The following CCSER2 variants were observed in gnomAD, a reference collection of about 807,000 sequenced individuals.
CCSER2 encodes the protein serine-rich coiled-coil domain-containing protein 2.
Under a neutral mutation model 92.3 loss-of-function variants are expected in CCSER2, and 46 were observed. The ratio of observed to expected loss-of-function variants is 0.50; its 90% confidence interval spans 0.39 to 0.64. The LOEUF (loss-of-function observed/expected upper bound fraction) is 0.64. CCSER2 is among the 30% of genes least tolerant of loss of function. The pLI is 0.00. For missense variants in CCSER2, 1,244 were observed against 1,238.9 expected (o/e 1.00, Z -0.06); for synonymous variants, 433 against 431.4 (o/e 1.00, Z -0.04).
At chr10:84,337,901 A>G (rs557072230) in intron 1 of CCSER2, among the ~76,000 whole-genome samples, 2 of 152,182 alleles carry the variant, frequency 1.3e-5, no homozygotes, top group African/African-American at 4.8e-5. Context: ...GTAGGGGAAT[A>G]GTTGGTTATG....
intron 3 of CCSER2, chr10:84,389,381 T>C: frequency 1.9e-6 from 1 of 514,458 alleles, no homozygotes; most frequent in South Asian, 1.4e-5. Flanking sequence ...ATTTTCCTGT[T>C]TCTTTCTGTC....
chr10:84,477,490 A>T, intron 8 of CCSER2, 85 bp from the exon 9 acceptor site: 4 of 630,014 alleles, frequency 6.3e-6, no homozygotes, highest in Non-Finnish European at 8.3e-6. Flanking sequence ...TAGGTGTTTT[A>T]TGTGTTTTCC....
At chr10:84,385,508 A>G (rs1423653494) in intron 3 of CCSER2, among the ~76,000 whole-genome samples, 2 of 152,236 alleles carry the variant, frequency 1.3e-5, no homozygotes, top group African/African-American at 4.8e-5. Context: ...CTACGGGGAA[A>G]GGACACCCTA....
chr10:84,508,326 C>G (rs1461038451), intron 9 of CCSER2, among the ~76,000 whole-genome samples: 1 of 152,158 alleles, frequency 6.6e-6, no homozygotes, highest in Admixed American at 6.5e-5. Context: ...CAGAGTATGA[C>G]ATTTCTCAGG....
chr10:84,393,475 T>C (rs1841645127), intron 3 of CCSER2, among the ~76,000 whole-genome samples: 1 of 152,188 alleles, frequency 6.6e-6, no homozygotes, highest in Non-Finnish European at 1.5e-5. Flanking sequence ...TTTCTTTTTT[T>C]TTGTTCAAAG....
At chr10:84,431,241 A>G (rs1326769796) in intron 5 of CCSER2, among the ~76,000 whole-genome samples, 1 of 152,132 alleles carries the variant, frequency 6.6e-6, no homozygotes, top group African/African-American at 2.4e-5. Context: ...CTACCCTTCA[A>G]ATTCTGTGTG....
chr10:84,367,681 G>GT (rs1255187784), intron 1 of CCSER2, among the ~76,000 whole-genome samples: 4 of 144,948 alleles, frequency 2.8e-5, no homozygotes, highest in Non-Finnish European at 4.6e-5. Context: ...CTTGCCATTT[G>GT]TTTAAGTCTT....
chr10:84,413,961 A>G (rs1842774224), intron 3 of CCSER2, among the ~76,000 whole-genome samples: 1 of 152,156 alleles, frequency 6.6e-6, no homozygotes, highest in Non-Finnish European at 1.5e-5. Flanking sequence ...AGAAACCAGG[A>G]TTGCAACCTC....
At chr10:84,435,923 G>A (rs1844088946) in intron 5 of CCSER2, among the ~76,000 whole-genome samples, 1 of 152,076 alleles carries the variant, frequency 6.6e-6, no homozygotes, top group South Asian at 2.1e-4. Flanking sequence ...TAGATCAAGT[G>A]TGCACAGTGG....
At chr10:84,422,123 T>A (rs1030835225) in intron 4 of CCSER2, among the ~76,000 whole-genome samples, 1 of 152,162 alleles carries the variant, frequency 6.6e-6, no homozygotes, top group African/African-American at 2.4e-5. Context: ...GGAATTCTGG[T>A]TTCTGTAACT....
intron 4 of CCSER2, among the ~76,000 whole-genome samples, chr10:84,423,217 G>A (rs1188544725): frequency 1.3e-5 from 2 of 152,114 alleles, no homozygotes; most frequent in East Asian, 3.9e-4. Context: ...CTTCTTAACA[G>A]CGTTTAAAAA....
intron 9 of CCSER2, among the ~76,000 whole-genome samples, chr10:84,489,574 T>C (rs1328470756): frequency 6.6e-6 from 1 of 152,220 alleles, no homozygotes; most frequent in Non-Finnish European, 1.5e-5. Flanking sequence ...TAACTTTTTT[T>C]TGTTTTCCAT....
intron 3 of CCSER2, among the ~76,000 whole-genome samples, chr10:84,392,220 C>T (rs1228391452): frequency 6.8e-6 from 1 of 146,204 alleles, no homozygotes; most frequent in Non-Finnish European, 1.5e-5. Flanking sequence ...GTTGCTGTCA[C>T]TGTATTAGGT....
chr10:84,338,164 A>G (rs910122327), intron 1 of CCSER2, among the ~76,000 whole-genome samples: 1 of 152,114 alleles, frequency 6.6e-6, no homozygotes, highest in African/African-American at 2.4e-5. Flanking sequence ...CTGTAATCCC[A>G]GCTACTTGGG....
intron 3 of CCSER2, among the ~76,000 whole-genome samples, chr10:84,377,784 C>T (rs532227944): frequency 1.6e-4 from 24 of 152,200 alleles, no homozygotes; most frequent in African/African-American, 5.1e-4. Flanking sequence ...AGAAATACTT[C>T]TTGCTAATGT....
intron 6 of CCSER2, among the ~76,000 whole-genome samples, chr10:84,445,258 A>G (rs1326713858): frequency 6.6e-6 from 1 of 151,804 alleles, no homozygotes; most frequent in Non-Finnish European, 1.5e-5. Context: ...GGCTCACACC[A>G]TTCTTCTGCC....
chr10:84,459,781 C>T lies in CCSER2; in HGVS notation c.2065-4152C>T, dbSNP rs528645125. 6.8e-4 allele frequency among the ~76,000 whole-genome samples: 104 copies of T among 152,230 alleles called. No individual in the cohort carries two copies. In the South Asian group the frequency reaches 0.021, roughly 31 times the overall value. Reference sequence around the variant, plus strand: ...TCAAGCGACCTGCCCCTCTTGGCCACCCAAAGTACTGGGGTTACAGGCATG... The same window carrying T: ...TCAAGCGACCTGCCCCTCTTGGCCATCCAAAGTACTGGGGTTACAGGCATG... On this transcript the variant is annotated intron_variant, in intron 6 of 9. Coordinates refer to ENST00000372088, the MANE Select transcript of CCSER2 (RefSeq NM_001284240.2).
intron 6 of CCSER2, among the ~76,000 whole-genome samples, chr10:84,445,984 T>C (rs1844891238): frequency 6.6e-6 from 1 of 152,160 alleles, no homozygotes; most frequent in Non-Finnish European, 1.5e-5. Flanking sequence ...GATTGCTGGG[T>C]TAATTATAAG....
intron 9 of CCSER2, among the ~76,000 whole-genome samples, chr10:84,481,302 G>C (rs1365551905): frequency 2.0e-5 from 3 of 151,664 alleles, no homozygotes; most frequent in African/African-American, 7.3e-5. Context: ...TCTTCCTCCT[G>C]GCCTGAAAAC....
Sources: allele counts gnomAD v4.1 joint callset (sites outside exome capture counted in the v4.1 genomes callset), GRCh38; gene constraint gnomAD v4.1.1; transcripts MANE v1.5; gene names NCBI Gene and HGNC (gene_info 2026-07-23, HGNC 2026-07-21).